UBE2O: variants seen among roughly 807,000 people sequenced by gnomAD.
UBE2O encodes (E3-independent) E2 ubiquitin-conjugating enzyme.
A neutral mutation model predicts 125.8 loss-of-function variants in UBE2O; 15 were observed. The observed-to-expected ratio is 0.12, with a 90% CI of 0.08 to 0.18. The LOEUF (loss-of-function observed/expected upper bound fraction) is 0.18, where lower values mean the gene tolerates loss of function less well. Among genes scored for constraint, UBE2O ranks in the 10% least tolerant of loss-of-function variants. UBE2O has a pLI of 1.00. For missense variants in UBE2O, 1,280 were observed against 1,723.6 expected, an observed-to-expected ratio of 0.74 and a Z score of 4.56; for synonymous variants, 708 against 703.2, an observed-to-expected ratio of 1.01 and a Z score of -0.11.
Position 76,400,347 on chromosome 17 carries a change from A to T in UBE2O, c.1005-50T>A. ...AGCTGGGCTGGACTCCTGGGAGGCC[A>T]GCAGTGTTCTTAAGCCTCCCCAGGC... On this transcript the variant is annotated intron_variant, in intron 7 of 17. Transcript: ENST00000319380. The surrounding 1 kb of genome is among the most constrained non-coding windows in gnomAD (Gnocchi z 4.3). 1 of 1,603,420 alleles carries T rather than the reference A, an allele frequency of 6.2e-7. No individual in the cohort carries two copies. Among genetic ancestry groups the T allele is most frequent in the Non-Finnish European group, 8.5e-7 (1 of 1,173,132 alleles).
At chr17:76,408,313 T>G (rs2072458708) in intron 1 of UBE2O, among the ~76,000 whole-genome samples, 1 of 152,088 alleles carries the variant, frequency 6.6e-6, no homozygotes, top group Non-Finnish European at 1.5e-5. Flanking sequence ...GGCAGACAGT[T>G]CTCCAAGCGT....
At position 76,391,550 on chromosome 17, in the gene UBE2O, T is replaced by C; in HGVS notation, c.3272A>G (p.Gln1091Arg). 1 of 1,614,178 alleles carries C rather than the reference T, an allele frequency of 6.2e-7. No individual in the cohort carries two copies. The highest frequency in any genetic ancestry group is 8.5e-7 in the Non-Finnish European group (1 of 1,180,044). Reference protein sequence around the residue: ...EAGFDSDRGLQEGYENSRCYN... With the variant: ...EAGFDSDRGLREGYENSRCYN... ...ACAGCGACTGTTTTCATAGCCTTCCTGCAGGCCTCGGTCACTGTCGAAGCC... is the reference window on the plus strand; with the variant it reads ...ACAGCGACTGTTTTCATAGCCTTCCCGCAGGCCTCGGTCACTGTCGAAGCC... The change falls in exon 18 of 18, where the codon CAG (glutamine) becomes CGG (arginine). Residue 1091 changes from glutamine (Q) to arginine (R), a missense_variant. Gln to Arg is a conservative substitution (Grantham distance 43). Transcript: ENST00000319380. The surrounding 1 kb of genome is among the most constrained non-coding windows in gnomAD (Gnocchi z 8.4).
chr17:76,451,473 G>A (rs1025930774), intron 1 of UBE2O, among the ~76,000 whole-genome samples: 3 of 152,174 alleles, frequency 2.0e-5, no homozygotes, highest in Non-Finnish European at 2.9e-5. Flanking sequence ...AGACCCCGCT[G>A]GTATCAGCAG....
Position 76,400,672 on chromosome 17 carries a change from G to T in UBE2O, c.895-122C>A. On this transcript the variant is annotated intron_variant, in intron 6 of 17. Coordinates refer to ENST00000319380, the MANE Select transcript of UBE2O (RefSeq NM_022066.4). This position sits in a 1 kb window ranked among gnomAD's most constrained non-coding sequence, Gnocchi z 4.3. ...ACTGATCTTCCTAGTGCAGCACCAA[G>T]TACAGACACATCAGAGCAGGCCCCA... is the stretch of plus-strand genomic sequence containing the variant. 1 of 681,486 alleles carries T rather than the reference G, an allele frequency of 1.5e-6. No homozygotes were observed. Among genetic ancestry groups the T allele is most frequent in the Non-Finnish European group, 2.5e-6 (1 of 404,692 alleles). The allele number at this position is 681,486 out of a possible 1,614,324, so 42.2% of individuals were successfully genotyped here. A position where few individuals can be genotyped will look rare whatever the true frequency, so the allele number is the denominator to read the frequency against.
chr17:76,434,375 G>A (rs186821999), intron 1 of UBE2O, among the ~76,000 whole-genome samples: 62 of 152,252 alleles, frequency 4.1e-4, no homozygotes, highest in East Asian at 3.9e-4. Context: ...TGGGAGAAAC[G>A]GAGAGGAAGG....
At chr17:76,434,454 T>C (rs2072952955) in intron 1 of UBE2O, among the ~76,000 whole-genome samples, 1 of 152,160 alleles carries the variant, frequency 6.6e-6, no homozygotes, top group Non-Finnish European at 1.5e-5. Flanking sequence ...TCCTGGAAAC[T>C]GTAAAGGACA....
chr17:76,440,158 G>C (rs2073055632), intron 1 of UBE2O, among the ~76,000 whole-genome samples: 1 of 152,152 alleles, frequency 6.6e-6, no homozygotes, highest in Non-Finnish European at 1.5e-5. Flanking sequence ...CACAGCGATG[G>C]TTCTCTCTCC....
In UBE2O at chr17:76,391,296, C is replaced by T. The variant is rs368720072; in HGVS notation, c.3526G>A (p.Glu1176Lys). The change falls in exon 18 of 18, where the codon GAG (glutamate) becomes AAG (lysine). Residue 1176 changes from glutamate to lysine, a missense_variant. Glu to Lys is a moderately conservative substitution (Grantham distance 56, BLOSUM62 1). Around this residue, in one of 10 missense-constraint regions of UBE2O, gnomAD observed 233 missense variants for 279.0 expected, o/e 0.84. Coordinates refer to ENST00000319380, the MANE Select transcript of UBE2O (RefSeq NM_022066.4). This position sits in a 1 kb window ranked among gnomAD's most constrained non-coding sequence, Gnocchi z 8.4. Reference sequence around the variant, plus strand: ...TCTTGTTGGCCGGAGTCTGACAGCTCGGCTACAGCTGGGGGCTCTGGCGAG... The same window carrying T: ...TCTTGTTGGCCGGAGTCTGACAGCTTGGCTACAGCTGGGGGCTCTGGCGAG... ...SSSPEPPAVA[E>K]LSDSGQQEPE... The T allele has an allele frequency of 8.2e-5, 133 of 1,612,848 alleles. No homozygotes were observed. The highest frequency in any genetic ancestry group is 1.1e-4 in the Non-Finnish European group (125 of 1,179,964).
At chr17:76,429,236 T>G (rs62084971) in intron 1 of UBE2O, among the ~76,000 whole-genome samples, 133,488 of 151,586 alleles carry the variant, frequency 0.88, 58,911 homozygotes, top group East Asian at 1. Flanking sequence ...TATGCATCTA[T>G]AATTATTTCA....
chr17:76,396,619 C>T lies in UBE2O; in HGVS notation c.2318G>A (p.Gly773Glu). The change falls in exon 14 of 18, where the codon GGA (glycine) becomes GAA (glutamate). Residue 773 changes from glycine to glutamate, a missense_variant. Transcript: ENST00000319380. The surrounding 1 kb of genome is among the most constrained non-coding windows in gnomAD (Gnocchi z 6.7). ...LEQPVAPEDK[G>E]VVISEEAATA... ...GGCTGCCTCTTCACTGATCACCACTCCCTTGTCCTCAGGGGCCACCGGCTG... is the reference window on the plus strand; with the variant it reads ...GGCTGCCTCTTCACTGATCACCACTTCCTTGTCCTCAGGGGCCACCGGCTG... 6.2e-7 allele frequency: 1 copy of T among 1,612,682 alleles called. No individual in the cohort carries two copies. The highest frequency in any genetic ancestry group is 8.5e-7 in the Non-Finnish European group (1 of 1,179,516).
chr17:76,430,999 T>C (rs1454506985), intron 1 of UBE2O: 2 of 214,452 alleles, frequency 9.3e-6, no homozygotes, highest in South Asian at 6.1e-5. Context: ...TCCCTGCCTT[T>C]TGAAGCATCT....
At chr17:76,437,803 G>A (rs1313407176) in intron 1 of UBE2O, among the ~76,000 whole-genome samples, 7 of 152,154 alleles carry the variant, frequency 4.6e-5, no homozygotes, top group African/African-American at 1.4e-4. Flanking sequence ...AAGGGGATAC[G>A]AGGACTTTCT....
intron 1 of UBE2O, among the ~76,000 whole-genome samples, chr17:76,409,556 C>T (rs1598595961): frequency 6.6e-6 from 1 of 152,068 alleles, no homozygotes; most frequent in Non-Finnish European, 1.5e-5. Flanking sequence ...CAACCATGCC[C>T]GGCTAATTTT....
chr17:76,415,935 G>A (rs4458029), intron 1 of UBE2O, among the ~76,000 whole-genome samples: 70,721 of 143,748 alleles, frequency 0.49, 19,098 homozygotes, highest in Non-Finnish European at 0.64. Flanking sequence ...ACGTATATAC[G>A]TATGCGTATA....
intron 15 of UBE2O, among the ~76,000 whole-genome samples, chr17:76,394,259 C>A (rs896134410): frequency 6.6e-6 from 1 of 152,170 alleles, no homozygotes; most frequent in Non-Finnish European, 1.5e-5. Flanking sequence ...AGAACTGGGG[C>A]CTCAGACTCA....
rs144543657 is a variant in UBE2O, at chr17:76,405,293, G to T, written c.501C>A (p.Ile167=). The part of the protein sequence containing the change: ...RSTDSQCGTV[I]DVNIDCAVKL... ...TGACGGCACAGTCGATGTTGACGTCGATCACCGTGCCACACTGACTGTCCT... is the reference window on the plus strand; with the variant it reads ...TGACGGCACAGTCGATGTTGACGTCTATCACCGTGCCACACTGACTGTCCT... Residue 167 remains isoleucine (I), a synonymous_variant, in exon 3 of 18, where the codon ATC becomes ATA. Coordinates refer to ENST00000319380, the MANE Select transcript of UBE2O (RefSeq NM_022066.4). This position sits in a 1 kb window ranked among gnomAD's most constrained non-coding sequence, Gnocchi z 6.1. The T allele has an allele frequency of 1.9e-6, 3 of 1,612,770 alleles. No homozygotes were observed. The highest frequency in any genetic ancestry group is 1.3e-5 in the African/African-American group (1 of 74,886).
At position 76,410,549 on chromosome 17, in the gene UBE2O, T is replaced by TCCCA. The variant is rs2072498012; in HGVS notation, c.418-4978_418-4977insTGGG. 6.6e-6 allele frequency among the ~76,000 whole-genome samples: 1 copy of TCCCA among 152,028 alleles called. No homozygotes were observed. The highest frequency in any genetic ancestry group is 1.5e-5 in the Non-Finnish European group (1 of 68,000). Reference sequence around the variant, plus strand: ...GAGACCCGAACAATGGCAGAGAAGGTGGGTCTGCGGACCAGCCTCTGGATA... The same window carrying TCCCA: ...GAGACCCGAACAATGGCAGAGAAGGTCCCAGGGTCTGCGGACCAGCCTCTGGATA... On this transcript the variant is annotated intron_variant, in intron 1 of 17. Transcript: ENST00000319380. This position sits in a 1 kb window ranked among gnomAD's most constrained non-coding sequence, Gnocchi z 4.0.
In UBE2O at chr17:76,395,988, C is replaced by A; in HGVS notation, c.2810-127G>T. On this transcript the variant is annotated intron_variant, in intron 14 of 17. Coordinates refer to ENST00000319380, the MANE Select transcript of UBE2O (RefSeq NM_022066.4). The surrounding 1 kb of genome is among the most constrained non-coding windows in gnomAD (Gnocchi z 5.0). ...GCCGCTGCTGGCCTCAGCACTGTGA[C>A]CACACAGGGAAATGGTTTGCCCTGG... The A allele has an allele frequency of 6.6e-7, 1 of 1,507,288 alleles. No homozygotes were observed. Among genetic ancestry groups the A allele is most frequent in the Non-Finnish European group, 9.1e-7 (1 of 1,104,314 alleles). 93.4% of individuals were successfully genotyped at this position (1,507,288 alleles called of 1,614,324 possible). A position where few individuals can be genotyped will look rare whatever the true frequency, so the allele number is the denominator to read the frequency against.
At chr17:76,451,071 C>T (rs1482238226) in intron 1 of UBE2O, among the ~76,000 whole-genome samples, 1 of 152,200 alleles carries the variant, frequency 6.6e-6, no homozygotes, top group African/African-American at 2.4e-5. Context: ...ATAGCGGCTC[C>T]CAGTAGTGAG....
Sources: allele counts gnomAD v4.1 joint callset (sites outside exome capture counted in the v4.1 genomes callset), GRCh38; gene constraint gnomAD v4.1.1; regional missense constraint gnomAD v4.1.1; non-coding constraint Gnocchi (gnomAD v3.1); transcripts MANE v1.5; gene names NCBI Gene and HGNC (gene_info 2026-07-23, HGNC 2026-07-21).